Variants in GABRA3 observed in about 807,000 individuals in gnomAD.
GABRA3 encodes the protein gamma-aminobutyric acid receptor subunit alpha-3.
In GABRA3, 10 loss-of-function variants were observed where a neutral mutation model predicts 30.1. The observed-to-expected ratio is 0.33, with a 90% CI of 0.20 to 0.56. GABRA3 has a LOEUF of 0.56. GABRA3 is among the 20% of genes least tolerant of loss of function. GABRA3 has a pLI of 0.89. For synonymous variants in GABRA3, 151 were observed against 146.8 expected (o/e 1.03, Z -0.21); for missense variants, 233 against 392.0 (o/e 0.59, Z 3.42).
At chrX:152,277,279 A>G (rs1939104045) in intron 4 of GABRA3, among the ~76,000 whole-genome samples, 1 of 110,027 alleles carries the variant, frequency 9.1e-6, no homozygotes, top group Non-Finnish European at 1.9e-5. Flanking sequence ...TTTTTTCTGC[A>G]TGGTGTTTGG....
At chrX:152,198,188 C>G (rs1293868288) in intron 7 of GABRA3, among the ~76,000 whole-genome samples, 1 of 112,168 alleles carries the variant, frequency 8.9e-6, no homozygotes, top group Non-Finnish European at 1.9e-5. Context: ...TTTTATAGCT[C>G]AAGAAACTGA....
At chrX:152,445,682 T>C (rs920666731) in intron 1 of GABRA3, among the ~76,000 whole-genome samples, 3 of 111,617 alleles carry the variant, frequency 2.7e-5, no homozygotes, top group African/African-American at 9.8e-5. Context: ...ACATGAACTA[T>C]AGAACCTTAC....
intron 1 of GABRA3, among the ~76,000 whole-genome samples, chrX:152,442,391 G>GA (rs200358060): frequency 1.9e-3 from 204 of 108,106 alleles, no homozygotes; most frequent in African/African-American, 6.1e-3. Flanking sequence ...TAAAAAAAGG[G>GA]AAAAAAAACA....
intron 5 of GABRA3, among the ~76,000 whole-genome samples, chrX:152,226,980 C>A (rs1266134872): frequency 1.8e-5 from 2 of 111,019 alleles, no homozygotes; most frequent in Non-Finnish European, 3.8e-5. Flanking sequence ...GTGGCGATTC[C>A]TCAGGGATCT....
At chrX:152,317,443 T>C (rs1939895496) in intron 3 of GABRA3, among the ~76,000 whole-genome samples, 1 of 111,761 alleles carries the variant, frequency 8.9e-6, no homozygotes, top group African/African-American at 3.2e-5. Context: ...ACAATGGATT[T>C]AAACTATACC....
chrX:152,253,109 T>C (rs1196237672), intron 5 of GABRA3, among the ~76,000 whole-genome samples: 3 of 111,428 alleles, frequency 2.7e-5, no homozygotes, highest in Middle Eastern at 4.2e-3. Context: ...AACAGCTCCC[T>C]GACATTTTCT....
intron 5 of GABRA3, among the ~76,000 whole-genome samples, chrX:152,233,149 G>GT (rs1405944233): frequency 9.4e-6 from 1 of 106,909 alleles, no homozygotes; most frequent in African/African-American, 3.5e-5. Flanking sequence ...TCATGATGGG[G>GT]TTGTTTGTTT....
At chrX:152,294,925 T>C (rs1370765443) in intron 3 of GABRA3, among the ~76,000 whole-genome samples, 1 of 110,691 alleles carries the variant, frequency 9.0e-6, no homozygotes, top group Non-Finnish European at 1.9e-5. Flanking sequence ...TCTGTTGGAG[T>C]TTGCTCCAAC....
chrX:152,379,227 C>T (rs1569412752), intron 1 of GABRA3, among the ~76,000 whole-genome samples: 1 of 111,403 alleles, frequency 9.0e-6, no homozygotes, highest in Non-Finnish European at 1.9e-5. Flanking sequence ...AAGAAAATCA[C>T]AACAAATTTC....
chrX:152,443,910 T>C (rs922248801), intron 1 of GABRA3, among the ~76,000 whole-genome samples: 2 of 111,646 alleles, frequency 1.8e-5, no homozygotes, highest in African/African-American at 6.5e-5. Context: ...CTGACCGATG[T>C]GGGGAAATGC....
intron 5 of GABRA3, among the ~76,000 whole-genome samples, chrX:152,248,922 G>A (rs890881798): frequency 9.0e-6 from 1 of 111,687 alleles, no homozygotes; most frequent in East Asian, 2.8e-4. Flanking sequence ...ACATCATGTT[G>A]TACACAGTAA....
intron 1 of GABRA3, among the ~76,000 whole-genome samples, chrX:152,408,193 T>C (rs984823980): frequency 8.9e-6 from 1 of 111,803 alleles, no homozygotes; most frequent in Admixed American, 9.5e-5. Flanking sequence ...TTGCCACTTT[T>C]ATTCAACATA....
At chrX:152,292,231 T>C (rs898887616) in intron 3 of GABRA3, among the ~76,000 whole-genome samples, 1 of 111,911 alleles carries the variant, frequency 8.9e-6, no homozygotes, top group Non-Finnish European at 1.9e-5. Context: ...AACTTGTTCC[T>C]GGTTTAGTCT....
intron 3 of GABRA3, among the ~76,000 whole-genome samples, chrX:152,326,328 C>A (rs1940057705): frequency 9.0e-6 from 1 of 111,612 alleles, no homozygotes; most frequent in Non-Finnish European, 1.9e-5. Context: ...GGCAGGCCAA[C>A]ATTCAAATTC....
chrX:152,182,312 TACACACAC>T (rs72009096), intron 9 of GABRA3, among the ~76,000 whole-genome samples: 9 of 89,310 alleles, frequency 1.0e-4, no homozygotes, highest in Non-Finnish European at 4.4e-5. Flanking sequence ...TATATATATA[TACACACAC>T]ACACACACAC....
rs146510876 is a variant in GABRA3, at chrX:152,234,684, C to T, written c.552-9839G>A. On this transcript the variant is annotated intron_variant, in intron 5 of 9. Transcript: ENST00000370314. Reference sequence around the variant, plus strand: ...ATAGAGGTCCACTTACCTTCTTCTGCGTATTGCAACCCAAATTTCCCAGTA... The same window carrying T: ...ATAGAGGTCCACTTACCTTCTTCTGTGTATTGCAACCCAAATTTCCCAGTA... Among the ~76,000 whole-genome samples, 9 of 111,494 alleles carry T rather than the reference C, an allele frequency of 8.1e-5. No individual in the cohort carries two copies. In the East Asian group the frequency reaches 1.1e-3, roughly 14 times the overall value.
chrX:152,241,540 G>A (rs374977508), intron 5 of GABRA3, among the ~76,000 whole-genome samples: 2 of 108,263 alleles, frequency 1.8e-5, no homozygotes, highest in Non-Finnish European at 3.9e-5. Flanking sequence ...CACCCAGTTC[G>A]AGCTTCCCGG....
rs1220839007 is a variant in GABRA3 at position 152,192,984 on chromosome X, G to A, written c.932-3043C>T. Among the ~76,000 whole-genome samples, 4 of 112,011 alleles carry A rather than the reference G, an allele frequency of 3.6e-5. No individual in the cohort carries two copies. In the East Asian group the frequency reaches 1.1e-3, roughly 31 times the overall value. On this transcript the variant is annotated intron_variant, in intron 8 of 9. Transcript: ENST00000370314. ...AATACACTGTTTTGGTTCTCAAAAT[G>A]TGGTTGATAATTCAGAATCAAGAGC...
chrX:152,228,681 C>A (rs960851335), intron 5 of GABRA3, among the ~76,000 whole-genome samples: 1 of 111,457 alleles, frequency 9.0e-6, no homozygotes, highest in Non-Finnish European at 1.9e-5. Flanking sequence ...GTCATGAAAC[C>A]CCTTTTATGC....
Sources: allele counts gnomAD v4.1 joint callset (sites outside exome capture counted in the v4.1 genomes callset), GRCh38; gene constraint gnomAD v4.1.1; transcripts MANE v1.5; gene names NCBI Gene and HGNC (gene_info 2026-07-23, HGNC 2026-07-21).